The following SH3BGRL2 variants were observed in gnomAD, a reference collection of about 807,000 sequenced individuals.
SH3BGRL2 encodes SH3 domain-binding glutamic acid-rich-like protein 2.
SH3BGRL2 carries 21 observed loss-of-function variants against 14.8 expected under a neutral mutation model. The observed-to-expected ratio is 1.42, with a 90% CI of 1.01 to 2.05. The LOEUF is 2.05. SH3BGRL2 is among the 30% of genes most tolerant of loss of function. SH3BGRL2 has a pLI of 0.00. For synonymous variants in SH3BGRL2, 50 were observed against 47.8 expected (o/e 1.05, Z -0.19); for missense variants, 147 against 130.8 (o/e 1.12, Z -0.61).
upstream of SH3BGRL2, among the ~76,000 whole-genome samples, chr6:79,627,309 G>A (rs1008463498): frequency 2.0e-5 from 3 of 152,172 alleles, no homozygotes; most frequent in African/African-American, 7.2e-5. Context: ...ATTTCAAGCT[G>A]CAATAGGTCA....
chr6:79,641,936 G>T (rs540450961), intron 1 of SH3BGRL2, among the ~76,000 whole-genome samples: 4 of 152,124 alleles, frequency 2.6e-5, no homozygotes, highest in African/African-American at 9.7e-5. Flanking sequence ...AATTTGAGCA[G>T]GCCATTCACC....
At chr6:79,688,951 A>G (rs1309180331) in intron 2 of SH3BGRL2, among the ~76,000 whole-genome samples, 1 of 152,176 alleles carries the variant, frequency 6.6e-6, no homozygotes, top group Non-Finnish European at 1.5e-5. Flanking sequence ...TGAATGTTAG[A>G]AAGTGAATTT....
chr6:79,569,518 G>A, the SH3BGRL2 span, among the ~76,000 whole-genome samples: 43 of 152,176 alleles, frequency 2.8e-4, no homozygotes, highest in East Asian at 6.6e-3. Flanking sequence ...GCCTGCTATC[G>A]GTTATGTTAA....
At chr6:79,555,702 G>T in the SH3BGRL2 span, among the ~76,000 whole-genome samples, 2 of 151,838 alleles carry the variant, frequency 1.3e-5, no homozygotes, top group Non-Finnish European at 1.5e-5. Context: ...TAGAGATGGG[G>T]TTTCACCATG....
chr6:79,653,666 A>T (rs1769348121), intron 1 of SH3BGRL2, among the ~76,000 whole-genome samples: 1 of 152,220 alleles, frequency 6.6e-6, no homozygotes, highest in Admixed American at 6.5e-5. Flanking sequence ...TCTGTGCCTG[A>T]ATTAGCAGTG....
At chr6:79,574,294 T>A in the SH3BGRL2 span, 1 of 152,270 alleles carries the variant, frequency 6.6e-6, no homozygotes, top group South Asian at 2.1e-4. Context: ...AGGGAATATA[T>A]GGGGAGAAAC....
At chr6:79,670,743 T>C (rs1423735425) in intron 1 of SH3BGRL2, among the ~76,000 whole-genome samples, 2 of 152,160 alleles carry the variant, frequency 1.3e-5, no homozygotes, top group Non-Finnish European at 2.9e-5. Context: ...AAAATGTCAT[T>C]AAGGACCCAG....
At chr6:79,682,817 A>G (rs1241923423) in intron 2 of SH3BGRL2, among the ~76,000 whole-genome samples, 1 of 152,258 alleles carries the variant, frequency 6.6e-6, no homozygotes, top group Non-Finnish European at 1.5e-5. Context: ...TCCATCAATG[A>G]TAGACTGGAT....
intron 1 of SH3BGRL2, among the ~76,000 whole-genome samples, chr6:79,644,802 T>G (rs892802156): frequency 7.2e-5 from 11 of 152,210 alleles, no homozygotes; most frequent in African/African-American, 2.7e-4. Context: ...CTGATTTTTT[T>G]CAACTTTAAA....
At chr6:79,588,249 C>A in the SH3BGRL2 span, among the ~76,000 whole-genome samples, 6,588 of 146,746 alleles carry the variant, frequency 0.045, 178 homozygotes, top group Middle Eastern at 0.092. Context: ...GCCGATTGTG[C>A]CACTGCACTC....
chr6:79,634,122 T>C (rs1768877761), intron 1 of SH3BGRL2, among the ~76,000 whole-genome samples: 1 of 152,186 alleles, frequency 6.6e-6, no homozygotes, highest in South Asian at 2.1e-4. Flanking sequence ...TCCCAGAATT[T>C]CCAAAAAGAT....
chr6:79,539,853 A>G, the SH3BGRL2 span, among the ~76,000 whole-genome samples: 5 of 152,200 alleles, frequency 3.3e-5, no homozygotes, highest in African/African-American at 9.6e-5. Flanking sequence ...TGGAAAGCAC[A>G]TAAGTATAAT....
intron 1 of SH3BGRL2, among the ~76,000 whole-genome samples, chr6:79,663,313 C>T (rs1275700187): frequency 6.6e-6 from 1 of 152,128 alleles, no homozygotes; most frequent in Admixed American, 6.5e-5. Flanking sequence ...ATGTTGGTGA[C>T]CTACAAATGG....
chr6:79,555,336 G>A, the SH3BGRL2 span, among the ~76,000 whole-genome samples: 1 of 151,994 alleles, frequency 6.6e-6, no homozygotes, highest in Admixed American at 6.5e-5. Context: ...TGTAATTCCA[G>A]CTACTCAGGA....
Position 79,668,894 on chromosome 6 carries a change from G to C in SH3BGRL2, c.46-4720G>C, listed in dbSNP as rs541064847. ...TCTAGAGACTCTTCTGAATTATTTC[G>C]GCTATGTACAGTTAGATGTAGCATC... is the stretch of plus-strand genomic sequence containing the variant. On this transcript the variant is annotated intron_variant, in intron 1 of 3. Transcript: ENST00000369838. 2.0e-5 allele frequency among the ~76,000 whole-genome samples: 3 copies of C among 152,098 alleles called. No individual in the cohort carries two copies. In the South Asian group the frequency reaches 6.2e-4, roughly 32 times the overall value.
At chr6:79,539,070 T>C in the SH3BGRL2 span, among the ~76,000 whole-genome samples, 1 of 152,222 alleles carries the variant, frequency 6.6e-6, no homozygotes, top group Admixed American at 6.5e-5. Context: ...AAAAATTGTC[T>C]AGTTGTGTGT....
the SH3BGRL2 span, among the ~76,000 whole-genome samples, chr6:79,571,481 T>C: frequency 6.6e-6 from 1 of 152,220 alleles, no homozygotes; most frequent in Non-Finnish European, 1.5e-5. Context: ...TACTAGGTTT[T>C]TTTCCCAGCT....
At chr6:79,541,982 C>T in the SH3BGRL2 span, among the ~76,000 whole-genome samples, 233 of 152,266 alleles carry the variant, frequency 1.5e-3, no homozygotes, top group Non-Finnish European at 2.8e-3. Flanking sequence ...AGCACCCCTC[C>T]CCTCCAAAGA....
chr6:79,676,027 T>C (rs1047600369), intron 2 of SH3BGRL2, among the ~76,000 whole-genome samples: 7 of 152,334 alleles, frequency 4.6e-5, no homozygotes, highest in African/African-American at 1.7e-4. Context: ...CAGTAGCCTG[T>C]TAGCATTCTC....
Sources: gnomAD v4.1 joint callset for allele counts (sites outside exome capture counted in the v4.1 genomes callset) on GRCh38, gnomAD v4.1.1 for gene constraint, MANE v1.5 for transcripts, NCBI Gene and HGNC (gene_info 2026-07-23, HGNC 2026-07-21) for gene names.